Variants in CHRNB4 observed in about 807,000 individuals in gnomAD.
CHRNB4 encodes the protein cholinergic receptor nicotinic beta 4 subunit.
CHRNB4 carries 23 observed loss-of-function variants against 40.4 expected under a neutral mutation model. The ratio of observed to expected loss-of-function variants is 0.57; its 90% CI spans 0.41 to 0.81. The LOEUF (loss-of-function observed/expected upper bound fraction) is 0.81. CHRNB4 is among the 30% of genes least tolerant of loss of function. CHRNB4 has a pLI of 0.00. For synonymous variants in CHRNB4, 285 were observed against 274.4 expected (o/e 1.04, Z -0.38); for missense variants, 568 against 670.6 (o/e 0.85, Z 1.69).
chr15:78,624,889 A>G lies in CHRNB4; in HGVS notation c.*244T>C. ...CCATTGCCCGGTGCAGGGAAGGAAG[A>G]CAGGCCAGAATTGAACTGTCTGAAG... On this transcript the variant is annotated 3_prime_UTR_variant, in exon 6 of 6. Coordinates refer to ENST00000261751, the MANE Select transcript of CHRNB4 (RefSeq NM_000750.5). 1 of 1,366,164 alleles carries G rather than the reference A, an allele frequency of 7.3e-7. No homozygotes were observed. 84.6% of individuals were successfully genotyped at this position (1,366,164 alleles called of 1,614,324 possible).
chr15:78,639,585 A>G (rs1450795185), intron 1 of CHRNB4, among the ~76,000 whole-genome samples: 2 of 152,234 alleles, frequency 1.3e-5, no homozygotes, highest in African/African-American at 4.8e-5. Flanking sequence ...AGTGTGAGCC[A>G]CCGCGCCTGG....
chr15:78,661,509 C>A (rs1416499504), upstream of CHRNB4: 2 of 534,696 alleles, frequency 3.7e-6, no homozygotes, highest in Non-Finnish European at 7.4e-6. Context: ...GGCCAGAAAG[C>A]TGTACAGCTT....
At chr15:78,646,770 C>T (rs895710555) in intron 7 of CHRNB4, among the ~76,000 whole-genome samples, 1 of 152,146 alleles carries the variant, frequency 6.6e-6, no homozygotes, top group Non-Finnish European at 1.5e-5. Context: ...ATATTGGAGG[C>T]CAGGATTTCA....
chr15:78,649,849 T>C (rs2054156901), intron 6 of CHRNB4, among the ~76,000 whole-genome samples: 1 of 151,452 alleles, frequency 6.6e-6, no homozygotes. Context: ...TTTTGTTTCA[T>C]AAATAAATTT....
intron 2 of CHRNB4, chr15:78,634,807 C>T (rs532651250): frequency 2.3e-4 from 104 of 455,762 alleles, no homozygotes; most frequent in African/African-American, 1.8e-3. Flanking sequence ...AACTCAGAGG[C>T]AGCAAAGAGA....
At chr15:78,640,025 A>G (rs1039635575) in intron 1 of CHRNB4, among the ~76,000 whole-genome samples, 1 of 152,242 alleles carries the variant, frequency 6.6e-6, no homozygotes, top group Non-Finnish European at 1.5e-5. Flanking sequence ...TTGTATTCCA[A>G]AATGATGGGT....
rs535351251 is a variant in CHRNB4 at position 78,624,979 on chromosome 15, A to C, written c.*154T>G. On this transcript the variant is annotated 3_prime_UTR_variant, in exon 6 of 6. Coordinates refer to ENST00000261751, the MANE Select transcript of CHRNB4 (RefSeq NM_000750.5). ...TTCAGAGAGGACAGCCCAGGCCCCC[A>C]TCCTTGCCTGTTCCACGGCTGTGGC... The C allele has an allele frequency of 6.4e-7, 1 of 1,572,644 alleles. No individual in the cohort carries two copies. The highest frequency in any genetic ancestry group is 8.6e-7 in the Non-Finnish European group (1 of 1,167,044).
chr15:78,628,242 A>G lies in CHRNB4; in HGVS notation c.1338+725T>C, dbSNP rs1466567136. On this transcript the variant is annotated intron_variant, in intron 5 of 5. Coordinates refer to ENST00000261751, the MANE Select transcript of CHRNB4 (RefSeq NM_000750.5). Reference sequence around the variant, plus strand: ...AATTCATTACCCTGGTAATCATAGTATTTTTACTGATGTTCCTATAGCCCT... The same window carrying G: ...AATTCATTACCCTGGTAATCATAGTGTTTTTACTGATGTTCCTATAGCCCT... 5 of 152,164 alleles carry G rather than the reference A, an allele frequency of 3.3e-5. No homozygotes were observed. The East Asian group carries it at 9.6e-4, about 29-fold the overall frequency. The allele number at this position is 152,164 out of a possible 1,614,324, so 9.4% of individuals were successfully genotyped here.
intron 2 of CHRNB4, chr15:78,657,465 TTACTC>T (rs2054224164): frequency 6.6e-6 from 1 of 152,230 alleles, no homozygotes; most frequent in South Asian, 2.1e-4. Flanking sequence ...GAAAGTGAAT[TTACTC>T]TATATAAGTT....
intron 2 of CHRNB4, chr15:78,634,633 AG>A (rs1253260673): frequency 1.3e-5 from 6 of 444,920 alleles, no homozygotes; most frequent in South Asian, 3.2e-5. Context: ...TGGCCAGAGG[AG>A]GGTCAGCCCC....
intron 6 of CHRNB4, among the ~76,000 whole-genome samples, chr15:78,650,340 A>G (rs531632388): frequency 1.2e-4 from 19 of 152,230 alleles, no homozygotes; most frequent in Non-Finnish European, 2.8e-4. Context: ...TCAGAGCCCA[A>G]CTTCCCCATC....
intron 5 of CHRNB4, chr15:78,627,288 G>A (rs1242051078): frequency 6.6e-6 from 1 of 152,220 alleles, no homozygotes; most frequent in Non-Finnish European, 1.5e-5. Context: ...GGAATCTCCT[G>A]GGGACCTGGT....
In CHRNB4 at chr15:78,641,186, G is replaced by A; in HGVS notation, c.-53C>T. On this transcript the variant is annotated 5_prime_UTR_variant, in exon 1 of 6. Transcript: ENST00000261751. ...GCGAGCTCCGCTGTGGGGTCACAGG[G>A]CACCCGTGAGCCGCGCGGTCGAGTG... 1 of 1,438,250 alleles carries A rather than the reference G, an allele frequency of 7.0e-7. No homozygotes were observed. The highest frequency in any genetic ancestry group is 9.1e-7 in the Non-Finnish European group (1 of 1,094,872). The allele number at this position is 1,438,250 out of a possible 1,614,324, so 89.1% of individuals were successfully genotyped here. A position where few individuals can be genotyped will look rare whatever the true frequency, so the allele number is the denominator to read the frequency against.
intron 1 of CHRNB4, among the ~76,000 whole-genome samples, chr15:78,640,070 T>A (rs1032857691): frequency 2.0e-5 from 3 of 152,198 alleles, no homozygotes; most frequent in Non-Finnish European, 4.4e-5. Flanking sequence ...AATTTTTAGA[T>A]TGGATATGCT....
chr15:78,649,627 A>T (rs1250185435), intron 6 of CHRNB4, among the ~76,000 whole-genome samples: 1 of 152,236 alleles, frequency 6.6e-6, no homozygotes, highest in East Asian at 1.9e-4. Context: ...AAAAATCTTT[A>T]AAAAATGTTA....
intron 6 of CHRNB4, chr15:78,649,544 C>A (rs2054154462): frequency 6.2e-6 from 2 of 321,432 alleles, no homozygotes; most frequent in African/African-American, 2.2e-5. Flanking sequence ...GCCTGCAAAG[C>A]CTAAAATATC....
In CHRNB4 at chr15:78,628,924, C is replaced by T. The variant is rs76652377; in HGVS notation, c.1338+43G>A. On this transcript the variant is annotated intron_variant, in intron 5 of 5. Transcript: ENST00000261751. ...GGGAAGCTGGTGCTACTATCTGAGC[C>T]CTTTCTGTTGGGCAGGTGGGCAGGG... 2,168 of 1,571,420 alleles carry T rather than the reference C, an allele frequency of 1.4e-3. 25 individuals carry two copies. In the African/African-American group the frequency reaches 0.026, roughly 19 times the overall value.
intron 7 of CHRNB4, among the ~76,000 whole-genome samples, chr15:78,647,452 A>G (rs1007653346): frequency 2.0e-5 from 3 of 151,984 alleles, no homozygotes; most frequent in Admixed American, 6.6e-5. Context: ...CAAACATAGG[A>G]AGAGGTTTAC....
At chr15:78,634,048 T>C (rs540607924) in intron 2 of CHRNB4, among the ~76,000 whole-genome samples, 1 of 152,284 alleles carries the variant, frequency 6.6e-6, no homozygotes, top group East Asian at 1.9e-4. Flanking sequence ...ACCTGCTCTC[T>C]AAAAATTTCC....
Sources: allele counts gnomAD v4.1 joint callset (sites outside exome capture counted in the v4.1 genomes callset), GRCh38; gene constraint gnomAD v4.1.1; transcripts MANE v1.5; gene names NCBI Gene and HGNC (gene_info 2026-07-23, HGNC 2026-07-21).